Variants in SNTB1 observed in about 807,000 individuals in gnomAD.
SNTB1 encodes the protein syntrophin beta 1, also known as beta-1-syntrophin.
A neutral mutation model predicts 48.9 loss-of-function variants in SNTB1; 36 were observed. The observed-to-expected ratio is 0.74, with a 90% CI of 0.56 to 0.97. The LOEUF (loss-of-function observed/expected upper bound fraction) is 0.97. SNTB1 is among the 50% of genes least tolerant of loss of function. The probability of loss-of-function intolerance (pLI) is 0.00; values close to 1 mark genes in which losing one functional copy is unlikely to be tolerated. For missense variants in SNTB1, 786 were observed against 703.4 expected (o/e 1.12, Z -1.33); for synonymous variants, 299 against 294.6 (o/e 1.01, Z -0.15).
intron 3 of SNTB1, among the ~76,000 whole-genome samples, chr8:120,584,921 G>A (rs1277543696): frequency 1.3e-5 from 2 of 152,072 alleles, no homozygotes; most frequent in Non-Finnish European, 2.9e-5. Flanking sequence ...GCCAGAGATT[G>A]CCAGCAATCT....
intron 2 of SNTB1, among the ~76,000 whole-genome samples, chr8:120,676,907 A>C (rs2129803940): frequency 6.6e-6 from 1 of 151,884 alleles, no homozygotes. Flanking sequence ...AATAATTTCA[A>C]AAATTAGCTG....
rs12680201 is a variant in SNTB1, at chr8:120,692,304, C to A, written c.788+1388G>T. 1.6e-3 allele frequency among the ~76,000 whole-genome samples: 251 copies of A among 152,212 alleles called. 2 individuals carry two copies. The East Asian group carries it at 0.041, about 25-fold the overall frequency. ...CCTGCCCCTATTCCCGATGGCTTTT[C>A]CCCATGAGCAACTCTGAGCCTAGCC... On this transcript the variant is annotated intron_variant, in intron 2 of 6. Transcript: ENST00000517992.
intron 2 of SNTB1, among the ~76,000 whole-genome samples, chr8:120,647,001 C>G (rs993816582): frequency 6.6e-6 from 1 of 151,398 alleles, no homozygotes; most frequent in Non-Finnish European, 1.5e-5. Flanking sequence ...TCTGTGGGAT[C>G]GATGGTGATA....
intron 1 of SNTB1, among the ~76,000 whole-genome samples, chr8:120,738,142 C>T (rs1818979968): frequency 6.6e-6 from 1 of 152,146 alleles, no homozygotes; most frequent in South Asian, 2.1e-4. Flanking sequence ...CCCCCTTCTA[C>T]TATGAGGACA....
intron 2 of SNTB1, among the ~76,000 whole-genome samples, chr8:120,691,135 C>T (rs915457967): frequency 7.9e-5 from 12 of 152,158 alleles, no homozygotes; most frequent in African/African-American, 1.2e-4. Flanking sequence ...TCTGATGTCT[C>T]CCAAAATATT....
At chr8:120,683,527 G>T (rs1817974108) in intron 2 of SNTB1, among the ~76,000 whole-genome samples, 1 of 152,164 alleles carries the variant, frequency 6.6e-6, no homozygotes, top group Non-Finnish European at 1.5e-5. Flanking sequence ...TAATCATAAA[G>T]CATCCCTGGG....
intron 3 of SNTB1, among the ~76,000 whole-genome samples, chr8:120,626,221 A>T (rs1563834885): frequency 6.6e-6 from 1 of 152,136 alleles, no homozygotes. Flanking sequence ...GTATATATAT[A>T]TAGAGAGAGA....
chr8:120,750,403 T>C (rs1423446721), intron 1 of SNTB1, among the ~76,000 whole-genome samples: 3 of 152,206 alleles, frequency 2.0e-5, no homozygotes, highest in East Asian at 1.9e-4. Flanking sequence ...AATTCCTTCA[T>C]TGGTGATTTA....
At chr8:120,752,766 A>T (rs1280896682) in intron 1 of SNTB1, among the ~76,000 whole-genome samples, 1 of 152,102 alleles carries the variant, frequency 6.6e-6, no homozygotes, top group African/African-American at 2.4e-5. Context: ...GAGGGAGCTA[A>T]ACACTGAGCA....
intron 1 of SNTB1, among the ~76,000 whole-genome samples, chr8:120,716,566 T>C (rs890103620): frequency 1.3e-5 from 2 of 152,140 alleles, no homozygotes; most frequent in African/African-American, 2.4e-5. Flanking sequence ...TAGGTCTCTG[T>C]TTTTAGACAC....
intron 1 of SNTB1, among the ~76,000 whole-genome samples, chr8:120,780,245 A>G (rs1466204000): frequency 1.3e-5 from 2 of 152,186 alleles, no homozygotes; most frequent in Admixed American, 6.5e-5. Flanking sequence ...CCCACCACCA[A>G]ATTGGCTTGC....
chr8:120,581,714 A>C (rs1415443379), intron 3 of SNTB1, among the ~76,000 whole-genome samples: 3 of 152,212 alleles, frequency 2.0e-5, no homozygotes, highest in Non-Finnish European at 4.4e-5. Context: ...TGGTCTGATC[A>C]TGGGACACTA....
chr8:120,732,522 A>C (rs1234978475), intron 1 of SNTB1, among the ~76,000 whole-genome samples: 1 of 152,224 alleles, frequency 6.6e-6, no homozygotes, highest in African/African-American at 2.4e-5. Context: ...TTGAACAAAG[A>C]AATATTCTAT....
In SNTB1 at chr8:120,633,623, T is replaced by C. The variant is rs568167569; in HGVS notation, c.789-972A>G. On this transcript the variant is annotated intron_variant, in intron 2 of 6. Coordinates refer to ENST00000517992, the MANE Select transcript of SNTB1 (RefSeq NM_021021.4). ...CGGTCTCAAATAAAATAAAATAAAATAAATTAAAATAAAAATAAAAGTCCA... is the reference window on the plus strand; with the variant it reads ...CGGTCTCAAATAAAATAAAATAAAACAAATTAAAATAAAAATAAAAGTCCA... Among the ~76,000 whole-genome samples the C allele has an allele frequency of 9.9e-5, 15 of 151,698 alleles. 1 individual carries two copies. In the South Asian group the frequency reaches 3.1e-3, roughly 32 times the overall value.
intron 2 of SNTB1, among the ~76,000 whole-genome samples, chr8:120,654,174 G>A (rs1400323492): frequency 6.7e-6 from 1 of 149,784 alleles, no homozygotes; most frequent in Non-Finnish European, 1.5e-5. Flanking sequence ...CATAAAGCAT[G>A]CTGGCCCAGG....
At chr8:120,624,672 C>T (rs2130745647) in intron 3 of SNTB1, among the ~76,000 whole-genome samples, 2 of 152,298 alleles carry the variant, frequency 1.3e-5, no homozygotes, top group Admixed American at 1.3e-4. Flanking sequence ...GTCCCAGAGT[C>T]TTAACTTGGT....
chr8:120,626,843 GC>G (rs1482663811), intron 3 of SNTB1, among the ~76,000 whole-genome samples: 1 of 152,160 alleles, frequency 6.6e-6, no homozygotes, highest in East Asian at 1.9e-4. Flanking sequence ...TCTTCTGGTT[GC>G]TATCTTGAAC....
chr8:120,725,878 A>G (rs1051657133), intron 1 of SNTB1, among the ~76,000 whole-genome samples: 1 of 152,230 alleles, frequency 6.6e-6, no homozygotes, highest in Non-Finnish European at 1.5e-5. Flanking sequence ...CAATATCATT[A>G]GCAAAATGTA....
chr8:120,562,325 G>C (rs1410655786), intron 4 of SNTB1, among the ~76,000 whole-genome samples: 1 of 152,168 alleles, frequency 6.6e-6, no homozygotes, highest in Non-Finnish European at 1.5e-5. Flanking sequence ...TTTTGCCCAA[G>C]AGCGCATTGC....
Sources: allele counts gnomAD v4.1 joint callset (sites outside exome capture counted in the v4.1 genomes callset), GRCh38; gene constraint gnomAD v4.1.1; transcripts MANE v1.5; gene names NCBI Gene and HGNC (gene_info 2026-07-23, HGNC 2026-07-21).